Variants in HPSE2 observed in about 807,000 individuals in gnomAD.
HPSE2 encodes the protein inactive heparanase-2.
A neutral mutation model predicts 60.5 loss-of-function variants in HPSE2; 38 were observed. That is an observed-to-expected ratio of 0.63 (90% confidence interval 0.48 to 0.82). HPSE2 has a LOEUF of 0.82. HPSE2 is among the 40% of genes least tolerant of loss of function. The pLI is 0.00. For missense variants in HPSE2, 713 were observed against 740.4 expected (o/e 0.96, Z 0.43); for synonymous variants, 295 against 293.2 (o/e 1.01, Z -0.06).
chr10:99,064,409 G>A (rs909156703), intron 3 of HPSE2, among the ~76,000 whole-genome samples: 2 of 152,090 alleles, frequency 1.3e-5, no homozygotes, highest in African/African-American at 4.8e-5. Flanking sequence ...CATAAGCAGT[G>A]TAAGTTACTG....
intron 3 of HPSE2, among the ~76,000 whole-genome samples, chr10:98,813,679 T>C (rs1432662317): frequency 1.3e-5 from 2 of 152,218 alleles, no homozygotes; most frequent in Non-Finnish European, 2.9e-5. Flanking sequence ...ACTAATCTTA[T>C]TTGTTACTGT....
intron 9 of HPSE2, among the ~76,000 whole-genome samples, chr10:98,567,194 T>C (rs903461462): frequency 1.3e-5 from 2 of 152,204 alleles, no homozygotes; most frequent in Non-Finnish European, 2.9e-5. Flanking sequence ...AAGGGATTCC[T>C]ACTGTAGTGT....
At chr10:98,946,967 T>C (rs1265223949) in intron 3 of HPSE2, among the ~76,000 whole-genome samples, 1 of 151,572 alleles carries the variant, frequency 6.6e-6, no homozygotes, top group Non-Finnish European at 1.5e-5. Flanking sequence ...TTTTTTATCA[T>C]GTTAAAGTGC....
At chr10:98,764,606 C>A (rs1255334687) in intron 3 of HPSE2, among the ~76,000 whole-genome samples, 1 of 152,194 alleles carries the variant, frequency 6.6e-6, no homozygotes, top group Non-Finnish European at 1.5e-5. Context: ...GTAATCCCAG[C>A]ACCTTGGGAG....
intron 10 of HPSE2, among the ~76,000 whole-genome samples, chr10:98,484,712 G>C (rs539774382): frequency 1.6e-4 from 24 of 152,058 alleles, no homozygotes; most frequent in African/African-American, 5.3e-4. Context: ...TTCTTCTTTT[G>C]CTGTTTTACC....
At chr10:98,526,402 G>A (rs1021521117) in intron 9 of HPSE2, among the ~76,000 whole-genome samples, 5 of 152,146 alleles carry the variant, frequency 3.3e-5, no homozygotes, top group South Asian at 2.1e-4. Flanking sequence ...ATGTATCAGA[G>A]CAACTCCGAT....
intron 4 of HPSE2, among the ~76,000 whole-genome samples, chr10:98,728,234 G>C (rs1420833134): frequency 6.6e-6 from 1 of 152,072 alleles, no homozygotes; most frequent in Non-Finnish European, 1.5e-5. Context: ...CTATTGTTGG[G>C]CTTATAAAAT....
intron 4 of HPSE2, among the ~76,000 whole-genome samples, chr10:98,723,943 G>T (rs897353438): frequency 1.4e-4 from 21 of 152,156 alleles, no homozygotes; most frequent in African/African-American, 4.6e-4. Flanking sequence ...TTTTTGAAGG[G>T]TTTTTTGTGT....
chr10:98,747,762 A>G (rs1393683849), intron 3 of HPSE2, among the ~76,000 whole-genome samples: 1 of 152,182 alleles, frequency 6.6e-6, no homozygotes, highest in African/African-American at 2.4e-5. Flanking sequence ...TCTGTGACAT[A>G]ATATTATCTT....
At chr10:98,797,231 G>C (rs1454456276) in intron 3 of HPSE2, among the ~76,000 whole-genome samples, 1 of 152,060 alleles carries the variant, frequency 6.6e-6, no homozygotes, top group East Asian at 1.9e-4. Flanking sequence ...AAACTCGAAA[G>C]AAATTCAAGG....
At chr10:98,847,541 G>A (rs962065151) in intron 3 of HPSE2, among the ~76,000 whole-genome samples, 6 of 152,190 alleles carry the variant, frequency 3.9e-5, no homozygotes, top group East Asian at 1.9e-4. Context: ...GCCAATTTGC[G>A]TGGATTAGAA....
At position 98,959,757 on chromosome 10, in the gene HPSE2, A is replaced by G. The variant is rs547710848; in HGVS notation, c.610+184481T>C. On this transcript the variant is annotated intron_variant, in intron 3 of 11. Coordinates refer to ENST00000370552, the MANE Select transcript of HPSE2 (RefSeq NM_021828.5). Reference sequence around the variant, plus strand: ...TGGGGGTGGAGGCCTTCATCTATGTAGAGACAACTAGAAAGAAGGCATTAG... The same window carrying G: ...TGGGGGTGGAGGCCTTCATCTATGTGGAGACAACTAGAAAGAAGGCATTAG... 2.6e-5 allele frequency among the ~76,000 whole-genome samples: 4 copies of G among 152,250 alleles called. No homozygotes were observed. In the South Asian group the frequency reaches 6.2e-4, roughly 24 times the overall value.
intron 3 of HPSE2, among the ~76,000 whole-genome samples, chr10:99,134,212 G>A (rs1845556092): frequency 6.6e-6 from 1 of 152,052 alleles, no homozygotes; most frequent in African/African-American, 2.4e-5. Context: ...AAGAAATATG[G>A]GACTATGTGA....
At chr10:99,041,216 TCA>T in intron 3 of HPSE2, among the ~76,000 whole-genome samples, 1 of 152,316 alleles carries the variant, frequency 6.6e-6, no homozygotes, top group African/African-American at 2.4e-5. Flanking sequence ...CACACTGCTC[TCA>T]CAGAGAACAG....
At chr10:98,721,526 A>G in intron 5 of HPSE2, 131 bp downstream of exon 5, 1 of 855,374 alleles carries the variant, frequency 1.2e-6, no homozygotes, top group Non-Finnish European at 1.8e-6. Flanking sequence ...TGAAGCCACT[A>G]TGGAAAGAGT....
intron 3 of HPSE2, among the ~76,000 whole-genome samples, chr10:99,002,909 C>G (rs1956808149): frequency 6.6e-6 from 1 of 151,978 alleles, no homozygotes. Context: ...CACTTAAAAT[C>G]TACTCAATAC....
rs531878675 is a variant in HPSE2, at chr10:99,221,663, G to C, written c.448+10685C>G. Among the ~76,000 whole-genome samples the C allele has an allele frequency of 5.8e-4, 89 of 152,300 alleles. No homozygotes were observed. The South Asian group carries it at 0.018, about 31-fold the overall frequency. Reference sequence around the variant, plus strand: ...TGAAAAGTAGGCAGAATTCAGAAATGGGTAGAATGTGGCAGAGGGATGATA... The same window carrying C: ...TGAAAAGTAGGCAGAATTCAGAAATCGGTAGAATGTGGCAGAGGGATGATA... On this transcript the variant is annotated intron_variant, in intron 2 of 11. Transcript: ENST00000370552.
intron 3 of HPSE2, among the ~76,000 whole-genome samples, chr10:99,103,067 C>T (rs10883262): frequency 0.49 from 74,744 of 151,978 alleles, 20,835 homozygotes; most frequent in East Asian, 0.65. Flanking sequence ...CTTTGAAAAC[C>T]GGCATAAGAC....
chr10:98,657,551 G>A (rs1947107301), intron 6 of HPSE2, among the ~76,000 whole-genome samples: 1 of 152,112 alleles, frequency 6.6e-6, no homozygotes, highest in Non-Finnish European at 1.5e-5. Context: ...TGACTGGGCT[G>A]GTCTCGAACT....
Sources: gnomAD v4.1 joint callset for allele counts (sites outside exome capture counted in the v4.1 genomes callset) on GRCh38, gnomAD v4.1.1 for gene constraint, MANE v1.5 for transcripts, NCBI Gene and HGNC (gene_info 2026-07-23, HGNC 2026-07-21) for gene names.